Variants in COL16A1 observed in about 807,000 individuals in gnomAD.
COL16A1 encodes the protein collagen type XVI alpha 1 chain, also known as collagen alpha-1(XVI) chain.
Under a neutral mutation model 266.3 loss-of-function variants are expected in COL16A1, and 189 were observed. That is an observed-to-expected ratio of 0.71 (90% CI 0.63 to 0.80). The LOEUF (loss-of-function observed/expected upper bound fraction) is 0.80, where lower values mean the gene tolerates loss of function less well. Among genes scored for constraint, COL16A1 ranks in the 30% least tolerant of loss-of-function variants. COL16A1 has a pLI of 0.00. For missense variants in COL16A1, 1,928 were observed against 2,122.4 expected (o/e 0.91, Z 1.80); for synonymous variants, 740 against 782.3 (o/e 0.95, Z 0.90).
intron 12 of COL16A1, 156 bp from the exon 13 acceptor site, chr1:31,693,310 C>G (rs923134601): frequency 5.7e-5 from 36 of 635,892 alleles, no homozygotes; most frequent in Non-Finnish European, 9.6e-5. Context: ...CGCCTCCCCC[C>G]ACCACACACA....
At chr1:31,690,305 G>C in intron 22 of COL16A1, 62 bp downstream of exon 22, 2 of 1,609,208 alleles carry the variant, frequency 1.2e-6, no homozygotes, top group Non-Finnish European at 1.7e-6. Context: ...GATGCTCACT[G>C]TCATGTGCAG....
At chr1:31,690,784 T>C (rs961542020) in intron 20 of COL16A1, among the ~76,000 whole-genome samples, 2 of 152,118 alleles carry the variant, frequency 1.3e-5, no homozygotes, top group Non-Finnish European at 2.9e-5. Flanking sequence ...AAAATGAAGC[T>C]TCTGTGTGCC....
chr1:31,667,162 A>G (rs1363134122), intron 52 of COL16A1, among the ~76,000 whole-genome samples: 1 of 152,134 alleles, frequency 6.6e-6, no homozygotes, highest in Non-Finnish European at 1.5e-5. Flanking sequence ...TACCTCACTC[A>G]CTAGCTTCAG....
Position 31,692,637 on chromosome 1 carries a change from T to G in COL16A1, c.1119A>C (p.Ala373=). ...RISPDAPLQC[A]EGPKGEKGES... is the part of the protein sequence containing the mutation. ...CCCCCTTCTCTCCCTTCGGGCCTTC[T>G]GCACACTGAACAGGGGAACACAGTG... Residue 373 remains alanine (A), a synonymous_variant, in exon 15 of 71, where the codon GCA becomes GCC. Coordinates refer to ENST00000373672, the MANE Select transcript of COL16A1 (RefSeq NM_001856.4). The G allele has an allele frequency of 6.2e-7, 1 of 1,614,122 alleles. No individual in the cohort carries two copies. Among genetic ancestry groups the G allele is most frequent in the Non-Finnish European group, 8.5e-7 (1 of 1,179,986 alleles).
Position 31,684,585 on chromosome 1 carries a change from C to T in COL16A1, c.2098G>A (p.Gly700Arg). 6.2e-7 allele frequency: 1 copy of T among 1,613,972 alleles called. No individual in the cohort carries two copies. Among genetic ancestry groups the T allele is most frequent in the African/African-American group, 1.3e-5 (1 of 75,064 alleles). ...PGDPGTPGTTGRPGLSGEPGV... is the reference protein window; with the variant it reads ...PGDPGTPGTTRRPGLSGEPGV... ...GGCTCTCCTGACAGTCCTGGCCGCC[C>T]TGTGGTGCCCGGCGTTCCAGGGTCT... The change falls in exon 31 of 71, where the codon GGG becomes AGG. Residue 700 changes from glycine to arginine, a missense_variant. Around this residue, in one of 2 missense-constraint regions of COL16A1, gnomAD observed 1,552 missense variants for 1,637.2 expected, o/e 0.95. Transcript: ENST00000373672.
In COL16A1 at chr1:31,685,049, T is replaced by A. The variant is rs1643901994; in HGVS notation, c.2017-193A>T. On this transcript the variant is annotated intron_variant, in intron 29 of 70. Coordinates refer to ENST00000373672, the MANE Select transcript of COL16A1 (RefSeq NM_001856.4). This position sits in a 1 kb window ranked among gnomAD's most constrained non-coding sequence, Gnocchi z 4.0. ...CTTTGCCTGGGTGACATGAGCAAAT[T>A]AGCTCATCTATCTCCGTACCTCAGT... Among the ~76,000 whole-genome samples the A allele has an allele frequency of 6.6e-6, 1 of 152,172 alleles. No homozygotes were observed. Among genetic ancestry groups the A allele is most frequent in the South Asian group, 2.1e-4 (1 of 4,832 alleles).
chr1:31,686,915 C>T (rs1324575894), intron 26 of COL16A1, among the ~76,000 whole-genome samples: 2 of 152,198 alleles, frequency 1.3e-5, no homozygotes, highest in Non-Finnish European at 2.9e-5. Flanking sequence ...AGAAGATCCG[C>T]ACGGCTAAAG....
intron 23 of COL16A1, 95 bp from the exon 24 acceptor site, chr1:31,689,180 A>G (rs1330775510): frequency 1.0e-5 from 16 of 1,584,618 alleles, no homozygotes; most frequent in Admixed American, 3.5e-5. Context: ...TCACACACGC[A>G]AACCGTCCAA....
chr1:31,692,469 G>A lies in COL16A1; in HGVS notation c.1194+5C>T, dbSNP rs779065321. ...AAATCCCCCCTCCAAATCCAGGCTTGTTACCTTCTCGCCTGTTGAGCCTGG... is the reference window on the plus strand; with the variant it reads ...AAATCCCCCCTCCAAATCCAGGCTTATTACCTTCTCGCCTGTTGAGCCTGG... On this transcript the variant is annotated splice_donor_5th_base_variant and intron_variant, in intron 16 of 70. Transcript: ENST00000373672. 8 of 1,612,010 alleles carry A rather than the reference G, an allele frequency of 5.0e-6. No homozygotes were observed.
chr1:31,665,795 G>T, intron 54 of COL16A1, 87 bp downstream of exon 54: 2 of 1,605,394 alleles, frequency 1.2e-6, no homozygotes, highest in Non-Finnish European at 8.5e-7. Flanking sequence ...CCCAAGGACA[G>T]GTAGGGTGGG....
At chr1:31,690,330 T>C in intron 22 of COL16A1, 37 bp downstream of exon 22, 1 of 1,612,714 alleles carries the variant, frequency 6.2e-7, no homozygotes, top group Non-Finnish European at 8.5e-7. Flanking sequence ...GGGGTCCCGT[T>C]CCCACCCCGA....
At position 31,697,844 on chromosome 1, in the gene COL16A1, A is replaced by G; in HGVS notation, c.657+62T>C. 2.0e-6 allele frequency: 3 copies of G among 1,524,036 alleles called. No individual in the cohort carries two copies. The highest frequency in any genetic ancestry group is 2.6e-6 in the Non-Finnish European group (3 of 1,134,646). 94.4% of individuals were successfully genotyped at this position (1,524,036 alleles called of 1,614,324 possible). ...AAGGACTTGTTCCGATACGGATTCC[A>G]GGAAGCCCACTCAGGTTCCCAGAAG... is the stretch of plus-strand genomic sequence containing the variant. On this transcript the variant is annotated intron_variant, in intron 6 of 70. Coordinates refer to ENST00000373672, the MANE Select transcript of COL16A1 (RefSeq NM_001856.4). The surrounding 1 kb of genome is among the most constrained non-coding windows in gnomAD (Gnocchi z 4.2).
chr1:31,656,519 A>C lies in COL16A1; in HGVS notation c.4057-75T>G. 2 of 1,573,650 alleles carry C rather than the reference A, an allele frequency of 1.3e-6. No individual in the cohort carries two copies. The highest frequency in any genetic ancestry group is 2.3e-5 in the South Asian group (2 of 86,210). On this transcript the variant is annotated intron_variant, in intron 65 of 70. Transcript: ENST00000373672. The surrounding 1 kb of genome is among the most constrained non-coding windows in gnomAD (Gnocchi z 4.2). The stretch of plus-strand genomic sequence containing the variant: ...CTCCCTGGGGAGGCAGGTGCAGTGA[A>C]GAGGCCCCTTCCACAGCCTGAGGCC...
Position 31,672,856 on chromosome 1 carries a change from G to A in COL16A1, c.2860-16C>T. On this transcript the variant is annotated splice_polypyrimidine_tract_variant and intron_variant, in intron 44 of 70. Coordinates refer to ENST00000373672, the MANE Select transcript of COL16A1 (RefSeq NM_001856.4). ...CGCAGATACTCTGATCAGGGAGTGGGGAGAGGAGTGGGGCCTGGGTTAGAG... is the reference window on the plus strand; with the variant it reads ...CGCAGATACTCTGATCAGGGAGTGGAGAGAGGAGTGGGGCCTGGGTTAGAG... 1 of 1,611,506 alleles carries A rather than the reference G, an allele frequency of 6.2e-7. No homozygotes were observed. The highest frequency in any genetic ancestry group is 8.5e-7 in the Non-Finnish European group (1 of 1,178,356).
intron 2 of COL16A1, 39 bp from the exon 3 acceptor site, chr1:31,700,154 G>A (rs760459938): frequency 6.2e-7 from 1 of 1,604,398 alleles, no homozygotes; most frequent in Non-Finnish European, 8.5e-7. Context: ...GGTGCGCTCA[G>A]GCCAAGGTTG....
chr1:31,677,619 C>T (rs1643299336), intron 42 of COL16A1, among the ~76,000 whole-genome samples: 2 of 152,244 alleles, frequency 1.3e-5, no homozygotes, highest in Non-Finnish European at 2.9e-5. Flanking sequence ...GCCTCAGCTT[C>T]CTCCTCTGTG....
chr1:31,654,174 G>A, intron 68 of COL16A1, 131 bp from the exon 69 acceptor site: 1 of 1,348,772 alleles, frequency 7.4e-7, no homozygotes, highest in Non-Finnish European at 9.9e-7. Flanking sequence ...GTCAGGGCAA[G>A]GAGTATGGGG....
In COL16A1 at chr1:31,662,621, C is replaced by G; in HGVS notation, c.3593G>C (p.Gly1198Ala). Reference protein sequence around the residue: ...EGIRGPSGLPGSPGPPGPPGI... With the variant: ...EGIRGPSGLPASPGPPGPPGI... Reference sequence around the variant, plus strand: ...AGGAGGTCCCGGTGGCCCAGGGGAGCCAGGCAGGCCTGATGGGCCTCGAAT... The same window carrying G: ...AGGAGGTCCCGGTGGCCCAGGGGAGGCAGGCAGGCCTGATGGGCCTCGAAT... The change falls in exon 57 of 71, where the codon GGC (glycine) becomes GCC (alanine). Residue 1198 changes from glycine to alanine, a missense_variant. By Grantham distance (60) the Gly-to-Ala change is moderately conservative. Coordinates refer to ENST00000373672, the MANE Select transcript of COL16A1 (RefSeq NM_001856.4). The G allele has an allele frequency of 6.4e-7, 1 of 1,562,630 alleles. No homozygotes were observed. The highest frequency in any genetic ancestry group is 8.7e-7 in the Non-Finnish European group (1 of 1,154,002).
At chr1:31,672,658 C>T (rs1199620759) in intron 45 of COL16A1, 21 bp from the exon 46 acceptor site, 2 of 1,605,474 alleles carry the variant, frequency 1.2e-6, no homozygotes, top group African/African-American at 1.3e-5. Context: ...CAATGAGAGG[C>T]ACATTGTCTG....
Sources: gnomAD v4.1 joint callset for allele counts (sites outside exome capture counted in the v4.1 genomes callset) on GRCh38, gnomAD v4.1.1 for gene constraint, gnomAD v4.1.1 regional missense constraint, Gnocchi (gnomAD v3.1) non-coding constraint, MANE v1.5 for transcripts, NCBI Gene and HGNC (gene_info 2026-07-23, HGNC 2026-07-21) for gene names.